TTLL4: variants seen among roughly 807,000 people sequenced by gnomAD.
TTLL4 encodes the protein tubulin tyrosine ligase like 4.
TTLL4 carries 85 observed loss-of-function variants against 122.7 expected under a neutral mutation model. The observed-to-expected ratio is 0.69, with a 90% CI of 0.58 to 0.83. TTLL4 has a LOEUF of 0.83. Among genes scored for constraint, TTLL4 ranks in the 40% least tolerant of loss-of-function variants. The probability of loss-of-function intolerance (pLI) is 0.00; values close to 1 mark genes in which losing one functional copy is unlikely to be tolerated. For synonymous variants in TTLL4, 553 were observed against 563.0 expected, an observed-to-expected ratio of 0.98 and a Z score of 0.25; for missense variants, 1,363 against 1,488.6, an observed-to-expected ratio of 0.92 and a Z score of 1.39.
intron 2 of TTLL4, among the ~76,000 whole-genome samples, chr2:218,731,609 C>T (rs531524827): frequency 2.6e-5 from 4 of 152,172 alleles, no homozygotes; most frequent in Non-Finnish European, 5.9e-5. Flanking sequence ...AGAGTTGTAA[C>T]TACCTTGCTG....
In TTLL4 at chr2:218,738,010, T is replaced by C; in HGVS notation, c.334T>C (p.Phe112Leu). 2 of 1,614,160 alleles carry C rather than the reference T, an allele frequency of 1.2e-6. No homozygotes were observed. Among genetic ancestry groups the C allele is most frequent in the African/African-American group, 1.3e-5 (1 of 75,042 alleles). ...TTACCTACACTCTCTCCCGGACTTG[T>C]TCAACAGCACCCTGCTATACCGCCG... ...SCYLHSLPDL[F>L]NSTLLYRRSS... The change falls in exon 3 of 20, where the codon TTC becomes CTC. Residue 112 changes from phenylalanine (F) to leucine (L), a missense_variant. Physicochemically the swap from Phe to Leu is conservative, Grantham distance 22 (BLOSUM62 0). This residue lies in a region of TTLL4 where 760 missense variants were observed against 808.4 expected (regional missense o/e 0.94). Coordinates refer to ENST00000392102, the MANE Select transcript of TTLL4 (RefSeq NM_014640.5).
intron 1 of TTLL4, among the ~76,000 whole-genome samples, chr2:218,718,669 C>G (rs534082926): frequency 5.9e-4 from 90 of 152,288 alleles, no homozygotes; most frequent in African/African-American, 2.1e-3. Context: ...TGAACCACTG[C>G]GCCCGGCCAG....
intron 3 of TTLL4, 83 bp downstream of exon 3, chr2:218,739,246 G>A: frequency 6.8e-7 from 1 of 1,477,030 alleles, no homozygotes; most frequent in Non-Finnish European, 9.0e-7. Flanking sequence ...CTGTACCTCT[G>A]AAGGTTGGTT....
Position 218,746,141 on chromosome 2 carries a change from T to A in TTLL4, c.1898-14T>A. 6.2e-7 allele frequency: 1 copy of A among 1,614,142 alleles called. No individual in the cohort carries two copies. The highest frequency in any genetic ancestry group is 8.5e-7 in the Non-Finnish European group (1 of 1,180,000). Reference sequence around the variant, plus strand: ...AGCTGTTAGCAAGGCTGATTCCTGATGTACCTCCCATAGGAAACGATGACT... The same window carrying A: ...AGCTGTTAGCAAGGCTGATTCCTGAAGTACCTCCCATAGGAAACGATGACT... On this transcript the variant is annotated splice_polypyrimidine_tract_variant and intron_variant, in intron 7 of 19. Transcript: ENST00000392102.
intron 2 of TTLL4, among the ~76,000 whole-genome samples, chr2:218,731,964 G>A (rs926408025): frequency 1.3e-5 from 2 of 152,126 alleles, no homozygotes; most frequent in African/African-American, 4.8e-5. Context: ...TGTTCCCTAG[G>A]GATCCTGTGT....
chr2:218,752,654 C>T (rs1575185258), intron 16 of TTLL4, 109 bp from the exon 17 acceptor site: 15 of 1,153,812 alleles, frequency 1.3e-5, no homozygotes, highest in East Asian at 9.6e-5. Context: ...ATGAGAGTCC[C>T]GGAGCTGTAG....
At chr2:218,726,546 A>C (rs971773974) in intron 1 of TTLL4, among the ~76,000 whole-genome samples, 1 of 151,980 alleles carries the variant, frequency 6.6e-6, no homozygotes, top group Non-Finnish European at 1.5e-5. Context: ...GCTCACTGCA[A>C]CCTCTGCCTC....
At chr2:218,718,067 G>A (rs1437081443) in intron 1 of TTLL4, among the ~76,000 whole-genome samples, 1 of 152,254 alleles carries the variant, frequency 6.6e-6, no homozygotes, top group Non-Finnish European at 1.5e-5. Flanking sequence ...GGGATTACAG[G>A]CGTGAGCCTG....
chr2:218,750,023 C>T lies in TTLL4; in HGVS notation c.2750C>T (p.Ser917Phe). 1 of 1,614,070 alleles carries T rather than the reference C, an allele frequency of 6.2e-7. No homozygotes were observed. Among genetic ancestry groups the T allele is most frequent in the Non-Finnish European group, 8.5e-7 (1 of 1,179,982 alleles). Residue 917 changes from serine to phenylalanine, a missense_variant, in exon 15 of 20, where the codon TCT becomes TTT. Ser to Phe is a radical substitution (Grantham distance 155). Around this residue, in one of 3 missense-constraint regions of TTLL4, gnomAD observed 596 missense variants for 655.8 expected, o/e 0.91. Coordinates refer to ENST00000392102, the MANE Select transcript of TTLL4 (RefSeq NM_014640.5). ...VNISPSLHSS[S>F]PLDISIKGQM... is the part of the protein sequence containing the mutation. ...TTTTTCTGAAGCCTCCACTCCAGCT[C>T]TCCACTGGATATCAGCATCAAAGGC...
intron 16 of TTLL4, 84 bp from the exon 17 acceptor site, chr2:218,752,679 G>T: frequency 6.8e-7 from 1 of 1,464,534 alleles, no homozygotes; most frequent in Non-Finnish European, 9.5e-7. Context: ...CCAGGGGTGT[G>T]CTCCCTGTTC....
chr2:218,751,881 GCTTTT>G (rs1218077117), intron 16 of TTLL4, 75 bp downstream of exon 16: 7 of 678,394 alleles, frequency 1.0e-5, no homozygotes, highest in Middle Eastern at 2.6e-4. Flanking sequence ...AAAGCAAACA[GCTTTT>G]CTTTTTTTTT....
At chr2:218,714,449 A>G (rs1193822726) in intron 1 of TTLL4, among the ~76,000 whole-genome samples, 1 of 152,218 alleles carries the variant, frequency 6.6e-6, no homozygotes. Context: ...GCCTGTGATC[A>G]GGTGCTTTGG....
At position 218,754,252 on chromosome 2, in the gene TTLL4, A is replaced by G. The variant is rs747232752; in HGVS notation, c.3463A>G (p.Ser1155Gly). ...CCAGAAACCCAGTTCCTCAAAGGAC[A>G]GTGAGGACACCAGCAAAGAGCCCAG... Reference protein sequence around the residue: ...YPQKPSSSKDSEDTSKEPSLS... With the variant: ...YPQKPSSSKDGEDTSKEPSLS... Residue 1155 changes from serine to glycine, a missense_variant, in exon 20 of 20, where the codon AGT becomes GGT. Physicochemically the swap from Ser to Gly is moderately conservative, Grantham distance 56. This residue lies in a region of TTLL4 where 596 missense variants were observed against 655.8 expected (regional missense o/e 0.91). Transcript: ENST00000392102. 21 of 1,614,108 alleles carry G rather than the reference A, an allele frequency of 1.3e-5. No individual in the cohort carries two copies. Among genetic ancestry groups the G allele is most frequent in the Non-Finnish European group, 1.6e-5 (19 of 1,180,044 alleles).
At chr2:218,726,696 G>A (rs1019907814) in intron 1 of TTLL4, among the ~76,000 whole-genome samples, 1 of 152,160 alleles carries the variant, frequency 6.6e-6, no homozygotes, top group South Asian at 2.1e-4. Context: ...CGAACTCCTG[G>A]CCTCAAGTGA....
At position 218,738,771 on chromosome 2, in the gene TTLL4, C is replaced by A. The variant is rs770323012; in HGVS notation, c.1095C>A (p.Asn365Lys). The change falls in exon 3 of 20, where the codon AAC becomes AAA. Residue 365 changes from asparagine to lysine, a missense_variant. Around this residue, in one of 3 missense-constraint regions of TTLL4, gnomAD observed 760 missense variants for 808.4 expected, o/e 0.94. Coordinates refer to ENST00000392102, the MANE Select transcript of TTLL4 (RefSeq NM_014640.5). ...GCQLEQSSFL[N>K]PSFQWNVLNR... Reference sequence around the variant, plus strand: ...AGCTTGAACAGTCTAGTTTCCTGAACCCCAGCTTCCAGTGGAATGTCCTCA... The same window carrying A: ...AGCTTGAACAGTCTAGTTTCCTGAAACCCAGCTTCCAGTGGAATGTCCTCA... The A allele has an allele frequency of 1.2e-6, 2 of 1,614,150 alleles. No homozygotes were observed. The highest frequency in any genetic ancestry group is 2.2e-5 in the South Asian group (2 of 91,082).
intron 2 of TTLL4, among the ~76,000 whole-genome samples, chr2:218,735,789 C>T (rs1942502335): frequency 1.3e-5 from 2 of 151,666 alleles, no homozygotes; most frequent in Non-Finnish European, 2.9e-5. Context: ...TCTCCTGCCT[C>T]AGGCTCCCAA....
chr2:218,720,953 A>C (rs921423069), intron 1 of TTLL4, among the ~76,000 whole-genome samples: 2 of 152,156 alleles, frequency 1.3e-5, no homozygotes, highest in African/African-American at 4.8e-5. Context: ...TGATTTATTC[A>C]GTCATGCCTA....
intron 15 of TTLL4, among the ~76,000 whole-genome samples, chr2:218,750,636 T>A (rs1942991567): frequency 6.6e-6 from 1 of 152,190 alleles, no homozygotes; most frequent in African/African-American, 2.4e-5. Flanking sequence ...TCCTGTGCCC[T>A]GACAAACTGG....
At chr2:218,728,725 C>T (rs1347124584) in intron 2 of TTLL4, among the ~76,000 whole-genome samples, 5 of 152,158 alleles carry the variant, frequency 3.3e-5, no homozygotes, top group Non-Finnish European at 5.9e-5. Flanking sequence ...GAACATACCT[C>T]CTATAGAGAG....
Sources: allele counts gnomAD v4.1 joint callset (sites outside exome capture counted in the v4.1 genomes callset), GRCh38; gene constraint gnomAD v4.1.1; regional missense constraint gnomAD v4.1.1; transcripts MANE v1.5; gene names NCBI Gene and HGNC (gene_info 2026-07-23, HGNC 2026-07-21).